CACNA1B: variants seen among roughly 807,000 people sequenced by gnomAD.
CACNA1B encodes the protein voltage-dependent N-type calcium channel subunit alpha-1B.
In CACNA1B, 70 loss-of-function variants were observed where a neutral mutation model predicts 247.2. The observed-to-expected ratio is 0.28, with a 90% CI of 0.23 to 0.35. CACNA1B has a LOEUF of 0.35. Ranked by LOEUF, CACNA1B falls within the 10% of genes least tolerant of loss-of-function variation. The probability of loss-of-function intolerance (pLI) is 1.00; values close to 1 mark genes in which losing one functional copy is unlikely to be tolerated. For missense variants in CACNA1B, 2,367 were observed against 3,197.4 expected (o/e 0.74, Z 6.26); for synonymous variants, 1,231 against 1,294.4 (o/e 0.95, Z 1.05).
chr9:138,000,823 A>G (rs1469901309), intron 15 of CACNA1B, among the ~76,000 whole-genome samples: 2 of 152,178 alleles, frequency 1.3e-5, no homozygotes, highest in African/African-American at 4.8e-5. Flanking sequence ...TTCAAATCTC[A>G]TGGCATAAAG....
Position 138,058,512 on chromosome 9 carries a change from A to G in CACNA1B, c.4309-57A>G. ...GGCGAGACAGGGCTGGGTGCAGTAG[A>G]TGCCGTCGGGTAGGTTTTCTGCTTC... On this transcript the variant is annotated intron_variant, in intron 28 of 46. Transcript: ENST00000371372. The surrounding 1 kb of genome is among the most constrained non-coding windows in gnomAD (Gnocchi z 4.7). The G allele has an allele frequency of 6.7e-7, 1 of 1,497,950 alleles. No individual in the cohort carries two copies. Among genetic ancestry groups the G allele is most frequent in the Non-Finnish European group, 9.1e-7 (1 of 1,099,388 alleles). The allele number at this position is 1,497,950 out of a possible 1,614,324, so 92.8% of individuals were successfully genotyped here.
rs1356523419 is a variant in CACNA1B, at chr9:138,025,092, G to T, written c.3206G>T (p.Ser1069Ile). Residue 1069 changes from serine (S) to isoleucine (I), a missense_variant, in exon 20 of 47, where the codon AGT becomes ATT. Physicochemically the swap from Ser to Ile is moderately radical, Grantham distance 142 (BLOSUM62 -2). Transcript: ENST00000371372. Reference sequence around the variant, plus strand: ...CAGCGGAACGTCACTCGCATGGGCAGTCAGCCCCCAGACCCGAACACTATT... The same window carrying T: ...CAGCGGAACGTCACTCGCATGGGCATTCAGCCCCCAGACCCGAACACTATT... ...DNQRNVTRMG[S>I]QPPDPNTIVH... The T allele has an allele frequency of 2.5e-6, 4 of 1,613,424 alleles. No homozygotes were observed. Among genetic ancestry groups the T allele is most frequent in the Non-Finnish European group, 2.5e-6 (3 of 1,179,704 alleles).
In CACNA1B at chr9:137,991,690, A is replaced by G. The variant is rs117222240; in HGVS notation, c.1974+4836A>G. On this transcript the variant is annotated intron_variant, in intron 15 of 46. Transcript: ENST00000371372. ...ATCTTAAGAGCTATGAGGCAAAAAT[A>G]TCAGGTAACCTATAAAGGAAAACCT... Among the ~76,000 whole-genome samples the G allele has an allele frequency of 4.6e-4, 70 of 152,344 alleles. 2 individuals carry two copies. The East Asian group carries it at 0.013, about 28-fold the overall frequency.
chr9:137,931,965 G>T (rs1435467366), intron 6 of CACNA1B, among the ~76,000 whole-genome samples: 1 of 152,082 alleles, frequency 6.6e-6, no homozygotes, highest in East Asian at 1.9e-4. Flanking sequence ...TATCTTAGGG[G>T]CCCAGTCAGC....
chr9:138,115,499 G>C, intron 41 of CACNA1B, 53 bp from the exon 42 acceptor site: 1 of 1,581,498 alleles, frequency 6.3e-7, no homozygotes, highest in South Asian at 1.1e-5. Context: ...GGTCACAGAG[G>C]CCACATTGCA....
chr9:138,113,335 C>G (rs1248162395), intron 40 of CACNA1B, among the ~76,000 whole-genome samples: 1 of 145,606 alleles, frequency 6.9e-6, no homozygotes. Flanking sequence ...TGAGGGAGCA[C>G]GAGGAGGTGC....
chr9:137,958,415 T>C (rs144395570), intron 10 of CACNA1B, among the ~76,000 whole-genome samples: 1 of 152,280 alleles, frequency 6.6e-6, no homozygotes, highest in Non-Finnish European at 1.5e-5. Flanking sequence ...GAGTCTTCTG[T>C]TACAAAAATG....
intron 10 of CACNA1B, among the ~76,000 whole-genome samples, chr9:137,960,260 CACCCGGAGAGAAGGGAG>C (rs1957999862): frequency 2.9e-4 from 2 of 6,832 alleles, no homozygotes; most frequent in East Asian, 4.1e-3. Flanking sequence ...GCCTGAGGGA[CACCCGGAGAGAAGGGAG>C]GTCCGGGGAG....
In CACNA1B at chr9:138,057,477, T is replaced by G. The variant is rs56360424; in HGVS notation, c.3969-255T>G. Reference sequence around the variant, plus strand: ...TCCCAGATTCGAGGTCACGAAGTTTTGCCCCCGTTTTCCTCTAAGTGTTTT... The same window carrying G: ...TCCCAGATTCGAGGTCACGAAGTTTGGCCCCCGTTTTCCTCTAAGTGTTTT... On this transcript the variant is annotated intron_variant, in intron 26 of 46. Coordinates refer to ENST00000371372, the MANE Select transcript of CACNA1B (RefSeq NM_000718.4). The surrounding 1 kb of genome is among the most constrained non-coding windows in gnomAD (Gnocchi z 4.0). Among the ~76,000 whole-genome samples, 16 of 152,230 alleles carry G rather than the reference T, an allele frequency of 1.1e-4. No individual in the cohort carries two copies. Among genetic ancestry groups the G allele is most frequent in the Non-Finnish European group, 2.2e-4 (15 of 68,040 alleles).
chr9:138,022,968 C>T (rs1008395040), intron 18 of CACNA1B, 43 bp from the exon 19 acceptor site: 3 of 1,449,348 alleles, frequency 2.1e-6, no homozygotes, highest in Non-Finnish European at 2.7e-6. Context: ...GAGCGGCGGG[C>T]GGGCGGCAGA....
chr9:137,912,356 A>G (rs1957368253), intron 3 of CACNA1B, among the ~76,000 whole-genome samples: 1 of 152,222 alleles, frequency 6.6e-6, no homozygotes, highest in Non-Finnish European at 1.5e-5. Flanking sequence ...GAGTTGGCCT[A>G]AGGCAAGAGA....
intron 10 of CACNA1B, among the ~76,000 whole-genome samples, chr9:137,969,373 T>C (rs1958118285): frequency 6.6e-6 from 1 of 152,128 alleles, no homozygotes; most frequent in Admixed American, 6.5e-5. Context: ...CAGGCGAGGA[T>C]GTGTGTGGTT....
chr9:137,924,231 T>C (rs1413468922), intron 6 of CACNA1B, among the ~76,000 whole-genome samples: 2 of 152,066 alleles, frequency 1.3e-5, no homozygotes, highest in Non-Finnish European at 2.9e-5. Context: ...AGTTGTATTG[T>C]TTTATATTTT....
At chr9:137,879,412 A>G (rs551941898) in intron 2 of CACNA1B, among the ~76,000 whole-genome samples, 28 of 152,330 alleles carry the variant, frequency 1.8e-4, no homozygotes, top group Admixed American at 1.8e-3. Context: ...CTACTCCTGC[A>G]CCTCAATGGC....
intron 6 of CACNA1B, among the ~76,000 whole-genome samples, chr9:137,937,105 A>C (rs997815785): frequency 4.6e-5 from 7 of 152,140 alleles, no homozygotes; most frequent in South Asian, 2.1e-4. Flanking sequence ...GATTCTTCCT[A>C]TCCACAAGCA....
chr9:138,105,278 G>A (rs905831469), intron 38 of CACNA1B, among the ~76,000 whole-genome samples: 2 of 152,196 alleles, frequency 1.3e-5, no homozygotes, highest in Non-Finnish European at 1.5e-5. Flanking sequence ...CCAGATGATC[G>A]AAGTGGTGGG....
intron 36 of CACNA1B, among the ~76,000 whole-genome samples, chr9:138,081,954 CAA>C (rs1258827134): frequency 1.3e-5 from 2 of 151,160 alleles, no homozygotes; most frequent in African/African-American, 2.4e-5. Context: ...CATCCACATA[CAA>C]AAGAGTGGAG....
Position 138,121,806 on chromosome 9 carries a change from A to G in CACNA1B, c.6827A>G (p.Asp2276Gly), listed in dbSNP as rs754453337. 6.2e-6 allele frequency: 10 copies of G among 1,613,130 alleles called. No homozygotes were observed. The highest frequency in any genetic ancestry group is 1.6e-4 in the Middle Eastern group (1 of 6,084). Residue 2276 changes from aspartate to glycine, a missense_variant, in exon 47 of 47, where the codon GAC (aspartate) becomes GGC (glycine). Physicochemically the swap from Asp to Gly is moderately conservative, Grantham distance 94. Around this residue, in one of 12 missense-constraint regions of CACNA1B, gnomAD observed 773 missense variants for 779.4 expected, o/e 0.99. Transcript: ENST00000371372. This position sits in a 1 kb window ranked among gnomAD's most constrained non-coding sequence, Gnocchi z 6.8. Reference protein sequence around the residue: ...SEASVHALPEDTLTFEEAVAT... With the variant: ...SEASVHALPEGTLTFEEAVAT... ...GCCTCTGTCCACGCCCTGCCTGAGG[A>G]CACTCTCACTTTCGAGGAGGCTGTG...
chr9:138,004,169 C>CT (rs1377950617), intron 15 of CACNA1B, among the ~76,000 whole-genome samples: 7 of 152,004 alleles, frequency 4.6e-5, no homozygotes, highest in African/African-American at 1.7e-4. Context: ...ACCCGGAAGC[C>CT]ACTAAAAGTA....
Sources: gnomAD v4.1 joint callset for allele counts (sites outside exome capture counted in the v4.1 genomes callset) on GRCh38, gnomAD v4.1.1 for gene constraint, gnomAD v4.1.1 regional missense constraint, Gnocchi (gnomAD v3.1) non-coding constraint, MANE v1.5 for transcripts, NCBI Gene and HGNC (gene_info 2026-07-23, HGNC 2026-07-21) for gene names.